SYDE2: variants seen among roughly 807,000 people sequenced by gnomAD.
The protein encoded by SYDE2 is rho GTPase-activating protein SYDE2.
In SYDE2, 76 loss-of-function variants were observed where a neutral mutation model predicts 91.5. That is an observed-to-expected ratio of 0.83 (90% confidence interval 0.69 to 1.01). The LOEUF is 1.01. Ranked by LOEUF, SYDE2 falls within the 50% of genes least tolerant of loss-of-function variation. The pLI, the probability that SYDE2 is intolerant of heterozygous loss-of-function variation, is 0.00. For missense variants in SYDE2, 1,364 were observed against 1,367.7 expected (o/e 1.00, Z 0.04); for synonymous variants, 513 against 506.4 (o/e 1.01, Z -0.18).
At chr1:85,167,445 C>A (rs990528415) in intron 5 of SYDE2, among the ~76,000 whole-genome samples, 4 of 152,136 alleles carry the variant, frequency 2.6e-5, no homozygotes, top group Admixed American at 1.3e-4. Context: ...AATGGTATAT[C>A]ACACAGTTAT....
In SYDE2 at chr1:85,160,695, T is replaced by G. The variant is rs552152588; in HGVS notation, c.3086-1446A>C. 1.6e-4 allele frequency: 156 copies of G among 985,458 alleles called. 1 individual carries two copies. The South Asian group carries it at 4.8e-3, about 31-fold the overall frequency. 61.0% of individuals were successfully genotyped at this position (985,458 alleles called of 1,614,324 possible). A position where few individuals can be genotyped will look rare whatever the true frequency, so the allele number is the denominator to read the frequency against. ...TTTGTGCTATTCCTTTTCTTTTTAG[T>G]GCTTAACTGTCATGCCTGTTGTTTT... On this transcript the variant is annotated intron_variant, in intron 6 of 6. Coordinates refer to ENST00000341460, the MANE Select transcript of SYDE2 (RefSeq NM_032184.2).
Position 85,200,948 on chromosome 1 carries a change from AG to A in SYDE2, c.48del (p.Leu17TrpfsTer150). The part of the protein sequence containing the change: ...PDSGARRGGR[G>X]LADHSFPAGA... Reference sequence around the variant, plus strand: ...CCCGCGGGGAAGCTGTGATCCGCCAAGCCCCTGCCGCCCCGCCGCGCGCCCG... The same window carrying A: ...CCCGCGGGGAAGCTGTGATCCGCCAACCCCTGCCGCCCCGCCGCGCGCCCG... On this transcript the variant is annotated frameshift_variant, in exon 1 of 7. Coordinates refer to ENST00000341460, the MANE Select transcript of SYDE2 (RefSeq NM_032184.2). LOFTEE classifies it high-confidence loss of function. The A allele has an allele frequency of 7.7e-7, 1 of 1,299,126 alleles. No homozygotes were observed. The highest frequency in any genetic ancestry group is 9.7e-7 in the Non-Finnish European group (1 of 1,032,240). The allele number at this position is 1,299,126 out of a possible 1,614,324, so 80.5% of individuals were successfully genotyped here.
intron 5 of SYDE2, among the ~76,000 whole-genome samples, chr1:85,165,865 A>ATTTTTTT (rs529987571): frequency 3.2e-5 from 3 of 94,138 alleles, no homozygotes; most frequent in African/African-American, 4.5e-5. Context: ...AAAAACTTTA[A>ATTTTTTT]TTTTTTTTTT....
At chr1:85,167,105 T>C (rs1657310480) in intron 5 of SYDE2, among the ~76,000 whole-genome samples, 1 of 151,394 alleles carries the variant, frequency 6.6e-6, no homozygotes. Flanking sequence ...TCCCAGCTAC[T>C]TGGGGGGCTG....
In SYDE2 at chr1:85,190,551, A is replaced by G; in HGVS notation, c.947T>C (p.Ile316Thr). The G allele has an allele frequency of 6.2e-7, 1 of 1,614,032 alleles. No homozygotes were observed. Among genetic ancestry groups the G allele is most frequent in the Non-Finnish European group, 8.5e-7 (1 of 1,179,886 alleles). ...KKCQDRSHLS[I>T]SPVSLPKHQL... ...ATGTTTAGGTAGAGACACAGGTGAG[A>G]TGGATAAATGACTTCTATCTTGGCA... The change falls in exon 2 of 7, where the codon ATC becomes ACC. Residue 316 changes from isoleucine (I) to threonine (T), a missense_variant. Ile to Thr is a moderately conservative substitution (Grantham distance 89). Transcript: ENST00000341460.
rs555851673 is a variant in SYDE2, at chr1:85,185,566, A to G, written c.1442-2366T>C. Among the ~76,000 whole-genome samples, 9 of 152,254 alleles carry G rather than the reference A, an allele frequency of 5.9e-5. No individual in the cohort carries two copies. In the South Asian group the frequency reaches 1.9e-3, roughly 32 times the overall value. ...TAGGTATTTTATTCTCTTTGAGGCAATTGTGAATGGGAGTTCACTCATGAT... is the reference window on the plus strand; with the variant it reads ...TAGGTATTTTATTCTCTTTGAGGCAGTTGTGAATGGGAGTTCACTCATGAT... On this transcript the variant is annotated intron_variant, in intron 2 of 6. Coordinates refer to ENST00000341460, the MANE Select transcript of SYDE2 (RefSeq NM_032184.2).
At position 85,163,197 on chromosome 1, in the gene SYDE2, C is replaced by T. The variant is rs1031274682; in HGVS notation, c.3085+1329G>A. Among the ~76,000 whole-genome samples, 5 of 150,696 alleles carry T rather than the reference C, an allele frequency of 3.3e-5. No individual in the cohort carries two copies. In the East Asian group the frequency reaches 9.8e-4, roughly 30 times the overall value. On this transcript the variant is annotated intron_variant, in intron 6 of 6. Coordinates refer to ENST00000341460, the MANE Select transcript of SYDE2 (RefSeq NM_032184.2). ...TCTCGGCTCACTGCAACCTCCGCCT[C>T]CCTAGTTCAAGCGATTCTCTTGCCT...
At chr1:85,186,333 C>G (rs965252113) in intron 2 of SYDE2, among the ~76,000 whole-genome samples, 7 of 152,080 alleles carry the variant, frequency 4.6e-5, no homozygotes, top group African/African-American at 1.2e-4. Context: ...GGAGGATTCC[C>G]TCTTTTTCTA....
intron 3 of SYDE2, 65 bp from the exon 4 acceptor site, chr1:85,178,337 G>T: frequency 7.1e-7 from 1 of 1,411,496 alleles, no homozygotes; most frequent in African/African-American, 1.4e-5. Flanking sequence ...TTGCATTATA[G>T]ATCACATGAA....
chr1:85,168,970 T>C (rs77636110), intron 5 of SYDE2, 74 bp downstream of exon 5: 34,885 of 1,327,830 alleles, frequency 0.026, 1,374 homozygotes, highest in African/African-American at 0.18. Context: ...TATCTAAAAT[T>C]ATTTGTAGCT....
chr1:85,160,726 A>G (rs1174918434), intron 6 of SYDE2: 2 of 985,204 alleles, frequency 2.0e-6, no homozygotes, highest in Non-Finnish European at 2.4e-6. Flanking sequence ...GTTTTCACCA[A>G]CCAATTACAA....
chr1:85,184,693 A>G lies in SYDE2; in HGVS notation c.1442-1493T>C, dbSNP rs369546966. 4.6e-5 allele frequency among the ~76,000 whole-genome samples: 7 copies of G among 152,148 alleles called. No homozygotes were observed. The East Asian group carries it at 5.8e-4, about 13-fold the overall frequency. Reference sequence around the variant, plus strand: ...AGCCTGGACAACATGGCAAAACCCCATGTCTACAAAAGATACAAAAAAATT... The same window carrying G: ...AGCCTGGACAACATGGCAAAACCCCGTGTCTACAAAAGATACAAAAAAATT... On this transcript the variant is annotated intron_variant, in intron 2 of 6. Transcript: ENST00000341460.
chr1:85,174,088 C>T (rs1234086179), intron 4 of SYDE2, among the ~76,000 whole-genome samples: 3 of 151,788 alleles, frequency 2.0e-5, no homozygotes, highest in African/African-American at 4.8e-5. Context: ...TGTCACATAA[C>T]GTAAAATGGC....
downstream of SYDE2, among the ~76,000 whole-genome samples, chr1:85,154,395 G>A (rs1263296241): frequency 8.0e-4 from 7 of 8,702 alleles, no homozygotes; most frequent in African/African-American, 3.1e-3. Flanking sequence ...GTCTCGCTCT[G>A]TCGCCCAGGC....
intron 1 of SYDE2, among the ~76,000 whole-genome samples, chr1:85,196,361 C>T (rs1658587019): frequency 6.6e-6 from 1 of 152,124 alleles, no homozygotes; most frequent in African/African-American, 2.4e-5. Flanking sequence ...TGCATTTCAA[C>T]AAAATTTCCA....
At position 85,164,815 on chromosome 1, in the gene SYDE2, A is replaced by G. The variant is rs1010622191; in HGVS notation, c.2854-58T>C. The stretch of plus-strand genomic sequence containing the variant: ...ATAAAGAGGCAAATTCAAGGACACA[A>G]TTTATAGCAGGAAATACAGATAAGC... On this transcript the variant is annotated intron_variant, in intron 5 of 6. Coordinates refer to ENST00000341460, the MANE Select transcript of SYDE2 (RefSeq NM_032184.2). The G allele has an allele frequency of 5.9e-6, 6 of 1,008,730 alleles. No homozygotes were observed. The African/African-American group carries it at 8.4e-5, about 14-fold the overall frequency. 62.5% of individuals were successfully genotyped at this position (1,008,730 alleles called of 1,614,324 possible).
In SYDE2 at chr1:85,164,625, G is replaced by T; in HGVS notation, c.2986C>A (p.His996Asn). 1 of 1,605,568 alleles carries T rather than the reference G, an allele frequency of 6.2e-7. No homozygotes were observed. Among genetic ancestry groups the T allele is most frequent in the South Asian group, 1.1e-5 (1 of 89,044 alleles). Reference protein sequence around the residue: ...LLSQRQEPSTHNNRVFTDSEE... With the variant: ...LLSQRQEPSTNNNRVFTDSEE... ...GAATCAGTAAAGACTCTGTTGTTAT[G>T]GGTGGAAGGCTCTTGCCTCTGACTT... Residue 996 changes from histidine to asparagine, a missense_variant, in exon 6 of 7, where the codon CAT becomes AAT. By Grantham distance (68) the His-to-Asn change is moderately conservative. Transcript: ENST00000341460.
intron 4 of SYDE2, among the ~76,000 whole-genome samples, chr1:85,174,951 T>G (rs1260052954): frequency 6.6e-6 from 1 of 152,200 alleles, no homozygotes; most frequent in African/African-American, 2.4e-5. Context: ...GATCATTTAC[T>G]TATATTCTGA....
At chr1:85,165,287 C>A (rs529263636) in intron 5 of SYDE2, among the ~76,000 whole-genome samples, 1 of 152,152 alleles carries the variant, frequency 6.6e-6, no homozygotes, top group African/African-American at 2.4e-5. Flanking sequence ...TTAAAATATA[C>A]ATTCTTTATA....
Sources: allele counts gnomAD v4.1 joint callset (sites outside exome capture counted in the v4.1 genomes callset), GRCh38; gene constraint gnomAD v4.1.1; transcripts MANE v1.5; gene names NCBI Gene and HGNC (gene_info 2026-07-23, HGNC 2026-07-21).